KDM4C: variants seen among roughly 807,000 people sequenced by gnomAD.
KDM4C encodes the protein lysine demethylase 4C.
A neutral mutation model predicts 129.3 loss-of-function variants in KDM4C; 81 were observed. That is an observed-to-expected ratio of 0.63 (90% confidence interval 0.52 to 0.75). The LOEUF is 0.75. KDM4C is among the 30% of genes least tolerant of loss of function. KDM4C has a pLI of 0.00. For missense variants in KDM4C, 1,457 were observed against 1,304.0 expected, an observed-to-expected ratio of 1.12 and a Z score of -1.81; for synonymous variants, 573 against 456.1, an observed-to-expected ratio of 1.26 and a Z score of -3.26.
intron 19 of KDM4C, among the ~76,000 whole-genome samples, chr9:7,131,101 A>G (rs7023265): frequency 0.54 from 81,719 of 151,608 alleles, 22,404 homozygotes; most frequent in Middle Eastern, 0.63. Flanking sequence ...ACAAAACAAA[A>G]ACTGAATTCA....
chr9:7,173,512 T>C (rs1845161188), intron 21 of KDM4C, among the ~76,000 whole-genome samples: 1 of 152,182 alleles, frequency 6.6e-6, no homozygotes, highest in African/African-American at 2.4e-5. Context: ...AGAGCTTTCT[T>C]CCAGTGGTAC....
intron 19 of KDM4C, among the ~76,000 whole-genome samples, chr9:7,153,289 AG>A (rs1842878841): frequency 6.6e-6 from 1 of 152,162 alleles, no homozygotes; most frequent in Non-Finnish European, 1.5e-5. Context: ...CTCTACATGA[AG>A]GGTGCTTATG....
intron 15 of KDM4C, among the ~76,000 whole-genome samples, chr9:7,028,615 A>G (rs757266198): frequency 6.6e-6 from 1 of 152,010 alleles, no homozygotes; most frequent in Non-Finnish European, 1.5e-5. Context: ...TTGAATGTCC[A>G]GTGGCTCTGA....
chr9:6,866,623 A>G (rs939943908), intron 5 of KDM4C, among the ~76,000 whole-genome samples: 4 of 151,954 alleles, frequency 2.6e-5, no homozygotes, highest in Admixed American at 2.0e-4. Context: ...AGTGCTTCCT[A>G]CAGATTGAAG....
At chr9:7,169,922 G>T (rs753571002) in intron 21 of KDM4C, 32 bp downstream of exon 21, 1 of 1,612,910 alleles carries the variant, frequency 6.2e-7, no homozygotes, top group Non-Finnish European at 8.5e-7. Flanking sequence ...TTGGGGACCT[G>T]CCAAGTGAAT....
intron 12 of KDM4C, among the ~76,000 whole-genome samples, chr9:7,003,712 A>T (rs1821145763): frequency 6.6e-6 from 1 of 152,210 alleles, no homozygotes; most frequent in Non-Finnish European, 1.5e-5. Flanking sequence ...ATCACTTCTT[A>T]GTAAAATCAT....
chr9:6,730,539 C>T (rs1033461332), intron 1 of KDM4C, among the ~76,000 whole-genome samples: 44 of 151,272 alleles, frequency 2.9e-4, no homozygotes, highest in African/African-American at 1.0e-3. Context: ...GGCGTGAACC[C>T]GGGAGGCGGA....
At chr9:7,111,275 A>G (rs1277643862) in intron 18 of KDM4C, among the ~76,000 whole-genome samples, 1 of 152,148 alleles carries the variant, frequency 6.6e-6, no homozygotes, top group African/African-American at 2.4e-5. Flanking sequence ...CAAAATCTGA[A>G]ACTTTTTGAG....
chr9:7,131,005 G>C (rs1156561472), intron 19 of KDM4C, among the ~76,000 whole-genome samples: 6 of 151,464 alleles, frequency 4.0e-5, no homozygotes, highest in Non-Finnish European at 8.8e-5. Context: ...TTGGGCTCAA[G>C]TGATCCTCCC....
At chr9:6,800,502 A>G (rs1289394923) in intron 2 of KDM4C, among the ~76,000 whole-genome samples, 7 of 151,946 alleles carry the variant, frequency 4.6e-5, no homozygotes, top group Non-Finnish European at 1.0e-4. Flanking sequence ...TCATGCCACT[A>G]TATTCAAGCC....
At chr9:7,062,050 C>T (rs1240210073) in intron 17 of KDM4C, among the ~76,000 whole-genome samples, 3 of 152,054 alleles carry the variant, frequency 2.0e-5, no homozygotes, top group African/African-American at 4.8e-5. Flanking sequence ...TCACTGCAAG[C>T]TCCGCCTCCC....
At chr9:7,002,293 T>C (rs1820871694) in intron 12 of KDM4C, among the ~76,000 whole-genome samples, 1 of 152,140 alleles carries the variant, frequency 6.6e-6, no homozygotes, top group Non-Finnish European at 1.5e-5. Flanking sequence ...GAATTTCATA[T>C]GCTTAGTACC....
chr9:6,755,084 A>T (rs988003003), upstream of KDM4C, among the ~76,000 whole-genome samples: 8 of 151,856 alleles, frequency 5.3e-5, no homozygotes, highest in African/African-American at 9.7e-5. Flanking sequence ...AAAAATACAA[A>T]AATTAGGCCG....
At chr9:7,130,514 C>T (rs940671247) in intron 19 of KDM4C, among the ~76,000 whole-genome samples, 3 of 152,118 alleles carry the variant, frequency 2.0e-5, no homozygotes, top group African/African-American at 4.8e-5. Flanking sequence ...GAAGCTAACC[C>T]GCAGAAGAGT....
chr9:6,963,289 A>C (rs1830330093), intron 8 of KDM4C, among the ~76,000 whole-genome samples: 1 of 152,240 alleles, frequency 6.6e-6, no homozygotes, highest in Admixed American at 6.5e-5. Flanking sequence ...ATTGTTGGAA[A>C]TATATTCATG....
At chr9:7,108,128 C>G (rs887354973) in intron 18 of KDM4C, among the ~76,000 whole-genome samples, 2 of 152,164 alleles carry the variant, frequency 1.3e-5, no homozygotes, top group Non-Finnish European at 2.9e-5. Flanking sequence ...GTTCTAGAAA[C>G]TTGTCTAGGA....
chr9:6,803,937 C>G (rs1019273862), intron 2 of KDM4C, among the ~76,000 whole-genome samples: 2 of 152,076 alleles, frequency 1.3e-5, no homozygotes, highest in African/African-American at 4.8e-5. Flanking sequence ...ATTCTCCTGC[C>G]TCAGCCTCTC....
At chr9:6,949,953 A>C (rs1345996444) in intron 8 of KDM4C, among the ~76,000 whole-genome samples, 1 of 151,912 alleles carries the variant, frequency 6.6e-6, no homozygotes, top group African/African-American at 2.4e-5. Flanking sequence ...AATTGATTTA[A>C]GGCTCAAGTA....
chr9:6,786,185 A>G (rs1210424014), intron 1 of KDM4C, among the ~76,000 whole-genome samples: 1 of 152,208 alleles, frequency 6.6e-6, no homozygotes, highest in African/African-American at 2.4e-5. Context: ...AATGTTGGAT[A>G]GAGTATTACA....
Sources: gnomAD v4.1 joint callset for allele counts (sites outside exome capture counted in the v4.1 genomes callset) on GRCh38, gnomAD v4.1.1 for gene constraint, MANE v1.5 for transcripts, NCBI Gene and HGNC (gene_info 2026-07-23, HGNC 2026-07-21) for gene names.